The following MVK variants were observed in gnomAD, a reference collection of about 807,000 sequenced individuals.
The protein encoded by MVK is mevalonate kinase, also known as LH receptor mRNA-binding protein.
MVK carries 34 observed loss-of-function variants against 43.2 expected under a neutral mutation model. The ratio of observed to expected loss-of-function variants is 0.79; its 90% confidence interval spans 0.60 to 1.05. The LOEUF is 1.05. Among genes scored for constraint, MVK ranks in the 50% least tolerant of loss-of-function variants. The pLI is 0.00. For synonymous variants in MVK, 190 were observed against 219.8 expected (o/e 0.86, Z 1.20); for missense variants, 395 against 504.0 (o/e 0.78, Z 2.07).
intron 7 of MVK, chr12:109,589,985 C>T (rs928396469): frequency 3.9e-5 from 6 of 155,088 alleles, no homozygotes. Flanking sequence ...GCCTGGGACA[C>T]GTCTATGTGC....
intron 5 of MVK, among the ~76,000 whole-genome samples, chr12:109,584,269 A>C (rs1885347183): frequency 1.3e-5 from 2 of 152,178 alleles, no homozygotes; most frequent in African/African-American, 2.4e-5. Flanking sequence ...TCTCACAGCT[A>C]CCATGTGAGT....
At chr12:109,573,479 A>G (rs869320655), upstream of MVK, 2 of 1,602,858 alleles carry the variant, frequency 1.2e-6, no homozygotes, top group African/African-American at 1.3e-5. Flanking sequence ...GCACACAGCC[A>G]TGAGCCAGGC....
At chr12:109,585,421 C>T (rs886085249) in intron 5 of MVK, among the ~76,000 whole-genome samples, 1 of 152,104 alleles carries the variant, frequency 6.6e-6, no homozygotes, top group African/African-American at 2.4e-5. Context: ...GGTGGGGGTT[C>T]CAATTCTCCA....
At chr12:109,594,950 C>T (rs910265250) in intron 9 of MVK, 78 bp from the exon 10 acceptor site, 31 of 1,579,932 alleles carry the variant, frequency 2.0e-5, no homozygotes, top group Middle Eastern at 1.7e-4. Flanking sequence ...GTCAGATGGA[C>T]GAGGCAGGCT....
At chr12:109,594,841 C>T (rs1344646590) in intron 9 of MVK, among the ~76,000 whole-genome samples, 187 bp from the exon 10 acceptor site, 1 of 152,238 alleles carries the variant, frequency 6.6e-6, no homozygotes, top group Non-Finnish European at 1.5e-5. Context: ...TCTACCCAAG[C>T]TCCGTGAGAA....
At chr12:109,576,824 T>C (rs561106870) in intron 3 of MVK, among the ~76,000 whole-genome samples, 2 of 151,194 alleles carry the variant, frequency 1.3e-5, no homozygotes, top group South Asian at 2.1e-4. Flanking sequence ...TGAGCCAAGA[T>C]TGCGCCATTG....
intron 8 of MVK, 127 bp downstream of exon 8, chr12:109,590,988 G>T: frequency 9.3e-7 from 1 of 1,081,046 alleles, no homozygotes; most frequent in Non-Finnish European, 1.4e-6. Context: ...CCCTTAGGGA[G>T]GTGGTTTTGG....
At chr12:109,581,107 A>G (rs1463902923) in intron 4 of MVK, among the ~76,000 whole-genome samples, 3 of 152,214 alleles carry the variant, frequency 2.0e-5, no homozygotes, top group Admixed American at 1.3e-4. Flanking sequence ...GCATGTGGGC[A>G]CAGGAAGGAG....
chr12:109,578,279 T>A (rs1303551521), intron 3 of MVK, among the ~76,000 whole-genome samples: 1 of 150,982 alleles, frequency 6.6e-6, no homozygotes, highest in Non-Finnish European at 1.5e-5. Flanking sequence ...TTTTTTTTTT[T>A]AAGAGGCAGG....
intron 3 of MVK, among the ~76,000 whole-genome samples, chr12:109,579,451 G>A (rs1885113440): frequency 6.6e-6 from 1 of 152,184 alleles, no homozygotes; most frequent in Non-Finnish European, 1.5e-5. Context: ...TAAAACTACT[G>A]TTAATTAGCA....
chr12:109,579,174 C>G (rs1426873398), intron 3 of MVK: 1 of 412,252 alleles, frequency 2.4e-6, no homozygotes, highest in East Asian at 7.7e-5. Context: ...GGGTCTCACT[C>G]TGTTATGCAG....
intron 7 of MVK, chr12:109,590,107 C>T (rs140244550): frequency 3.7e-5 from 6 of 163,862 alleles, no homozygotes; most frequent in Admixed American, 1.1e-4. Context: ...GGGGACCATC[C>T]TCCTCTGCAA....
intron 7 of MVK, chr12:109,590,081 AT>A (rs1885601730): frequency 6.2e-6 from 1 of 160,234 alleles, no homozygotes; most frequent in African/African-American, 2.4e-5. Context: ...TAGGGCAAGA[AT>A]GGGCTCAGCG....
chr12:109,576,870 CAA>C (rs59269664), intron 3 of MVK, among the ~76,000 whole-genome samples: 7,650 of 102,776 alleles, frequency 0.074, 252 homozygotes, highest in Middle Eastern at 0.15. Context: ...GACTCCATCT[CAA>C]AAAAAAAAAA....
intron 5 of MVK, among the ~76,000 whole-genome samples, chr12:109,583,758 C>T (rs1220891899): frequency 2.0e-5 from 3 of 152,236 alleles, no homozygotes; most frequent in Non-Finnish European, 4.4e-5. Context: ...TCTCCAGCAC[C>T]TGTTGAGAAA....
chr12:109,585,871 C>T (rs1311972068), intron 5 of MVK, 151 bp from the exon 6 acceptor site: 3 of 700,884 alleles, frequency 4.3e-6, no homozygotes, highest in Non-Finnish European at 7.8e-6. Context: ...TGGCACGCTC[C>T]GTAGCTGGAG....
chr12:109,583,089 G>GGT (rs1566145952), intron 5 of MVK, among the ~76,000 whole-genome samples: 1 of 148,806 alleles, frequency 6.7e-6, no homozygotes, highest in African/African-American at 2.5e-5. Context: ...TCCTTGGTCT[G>GGT]TTTTTTTTTT....
At chr12:109,578,339 C>T (rs1464674138) in intron 3 of MVK, among the ~76,000 whole-genome samples, 1 of 150,972 alleles carries the variant, frequency 6.6e-6, no homozygotes, top group Non-Finnish European at 1.5e-5. Context: ...CTCAAGTGTT[C>T]TTCTGCCTTA....
At chr12:109,586,204 G>T (rs553271685) in intron 6 of MVK, 79 bp downstream of exon 6, 76 of 1,145,774 alleles carry the variant, frequency 6.6e-5, no homozygotes, top group Non-Finnish European at 9.7e-5. Context: ...AAGAGTCTGT[G>T]CTGGTTTGGG....
Sources: allele counts gnomAD v4.1 joint callset (sites outside exome capture counted in the v4.1 genomes callset), GRCh38; gene constraint gnomAD v4.1.1; transcripts MANE v1.5; gene names NCBI Gene and HGNC (gene_info 2026-07-23, HGNC 2026-07-21).